Variants in SEMA3E observed in about 807,000 individuals in gnomAD.
SEMA3E encodes semaphorin-3E.
Under a neutral mutation model 93.6 loss-of-function variants are expected in SEMA3E, and 49 were observed. The observed-to-expected ratio is 0.52, with a 90% CI of 0.42 to 0.66. The LOEUF (loss-of-function observed/expected upper bound fraction) is 0.66, where lower values mean the gene tolerates loss of function less well. Ranked by LOEUF, SEMA3E falls within the 30% of genes least tolerant of loss-of-function variation. SEMA3E has a pLI of 0.00. For synonymous variants in SEMA3E, 363 were observed against 330.7 expected, an observed-to-expected ratio of 1.10 and a Z score of -1.06; for missense variants, 906 against 964.8, an observed-to-expected ratio of 0.94 and a Z score of 0.81.
chr7:83,492,673 A>G (rs541600168), intron 1 of SEMA3E, among the ~76,000 whole-genome samples: 12 of 152,030 alleles, frequency 7.9e-5, no homozygotes, highest in African/African-American at 2.4e-4. Flanking sequence ...CAACAAATGC[A>G]AATTTAGTGA....
intron 14 of SEMA3E, among the ~76,000 whole-genome samples, chr7:83,389,773 T>TATATATTACATGTATACATATATACACGC (rs1787960153): frequency 8.2e-6 from 1 of 122,644 alleles, no homozygotes; most frequent in Non-Finnish European, 1.7e-5. Context: ...TATATACACG[T>TATATATTACATGTATACATATATACACGC]ATATATTACA....
intron 1 of SEMA3E, among the ~76,000 whole-genome samples, chr7:83,622,132 C>T (rs1476627248): frequency 6.6e-6 from 1 of 151,254 alleles, no homozygotes; most frequent in Non-Finnish European, 1.5e-5. Context: ...GGAACTTAAA[C>T]AAATTTACAA....
intron 1 of SEMA3E, among the ~76,000 whole-genome samples, chr7:83,611,249 A>G (rs2115583016): frequency 6.9e-6 from 1 of 144,046 alleles, no homozygotes. Context: ...CTCCATATAT[A>G]TTTATATATA....
At chr7:83,579,076 A>G (rs1013752563) in intron 1 of SEMA3E, among the ~76,000 whole-genome samples, 3 of 152,108 alleles carry the variant, frequency 2.0e-5, no homozygotes, top group Non-Finnish European at 4.4e-5. Context: ...CAAAAGAGAG[A>G]ACATGTTATC....
intron 1 of SEMA3E, among the ~76,000 whole-genome samples, chr7:83,625,613 G>A (rs188703234): frequency 8.1e-4 from 124 of 152,210 alleles, no homozygotes; most frequent in African/African-American, 2.8e-3. Flanking sequence ...GAGCTGAGAC[G>A]ATGGGGTTTT....
intron 4 of SEMA3E, among the ~76,000 whole-genome samples, chr7:83,452,113 ATATGTG>A (rs1292109159): frequency 7.3e-6 from 1 of 137,396 alleles, no homozygotes; most frequent in African/African-American, 2.5e-5. Context: ...AATTATATCC[ATATGTG>A]TATGTGTATG....
At chr7:83,641,479 C>G in intron 1 of SEMA3E, 1 of 642,648 alleles carries the variant, frequency 1.6e-6, no homozygotes, top group Non-Finnish European at 1.9e-6. Flanking sequence ...TTCTATTGTG[C>G]GTTACAAAGC....
intron 1 of SEMA3E, among the ~76,000 whole-genome samples, chr7:83,559,844 A>T (rs575534624): frequency 1.3e-5 from 2 of 152,160 alleles, no homozygotes; most frequent in South Asian, 4.1e-4. Flanking sequence ...TGAGTGGATA[A>T]AATAACTATG....
At chr7:83,389,504 A>G (rs1025985314) in intron 14 of SEMA3E, among the ~76,000 whole-genome samples, 6 of 124,792 alleles carry the variant, frequency 4.8e-5, no homozygotes, top group African/African-American at 1.3e-4. Flanking sequence ...ATTTAAAAAG[A>G]AAGACATCAC....
At chr7:83,569,238 T>C (rs565086866) in intron 1 of SEMA3E, among the ~76,000 whole-genome samples, 2 of 151,634 alleles carry the variant, frequency 1.3e-5, no homozygotes, top group Non-Finnish European at 2.9e-5. Context: ...TTGAAGAGGA[T>C]ACAAACAAAT....
intron 1 of SEMA3E, among the ~76,000 whole-genome samples, chr7:83,642,063 G>A (rs1021004938): frequency 1.1e-4 from 16 of 152,274 alleles, no homozygotes; most frequent in Non-Finnish European, 7.4e-5. Flanking sequence ...AAATTCGAAT[G>A]TAAGAGTGTT....
intron 4 of SEMA3E, among the ~76,000 whole-genome samples, chr7:83,444,542 C>G (rs1016288053): frequency 1.3e-5 from 2 of 152,092 alleles, no homozygotes; most frequent in Non-Finnish European, 2.9e-5. Context: ...AGCCATCCAA[C>G]AGAGGGTAGA....
intron 16 of SEMA3E, among the ~76,000 whole-genome samples, chr7:83,370,006 CA>C (rs140816818): frequency 0.025 from 3,770 of 152,184 alleles, 156 homozygotes; most frequent in African/African-American, 0.086. Context: ...AGGTATGTGC[CA>C]TTATACTGTC....
chr7:83,458,092 T>C (rs1025656500), intron 4 of SEMA3E, among the ~76,000 whole-genome samples: 16 of 151,504 alleles, frequency 1.1e-4, no homozygotes, highest in Non-Finnish European at 1.5e-5. Context: ...TAGATAATTA[T>C]GTGGGATATT....
At chr7:83,469,398 C>CTTTTTTTT (rs10650403) in intron 2 of SEMA3E, 96 bp from the exon 3 acceptor site, 18 of 599,868 alleles carry the variant, frequency 3.0e-5, no homozygotes, top group Non-Finnish European at 3.4e-5. Context: ...AAAACATTTC[C>CTTTTTTTT]TTTTTTTTTT....
At position 83,456,607 on chromosome 7, in the gene SEMA3E, T is replaced by TTTAC. The variant is rs1333468250; in HGVS notation, c.456+9874_456+9875insGTAA. Among the ~76,000 whole-genome samples, 7 of 7,308 alleles carry TTTAC rather than the reference T, an allele frequency of 9.6e-4. No individual in the cohort carries two copies. In the Non-Finnish European group the frequency reaches 0.062, roughly 65 times the overall value. 4.8% of individuals were successfully genotyped at this position (7,308 alleles called of 152,430 possible). On this transcript the variant is annotated intron_variant, in intron 4 of 16. Coordinates refer to ENST00000643230, the MANE Select transcript of SEMA3E (RefSeq NM_012431.3). The stretch of plus-strand genomic sequence containing the variant: ...TTAACGACTCTATTTTATTTATTTA[T>TTTAC]TTATTTATTTATTTATTATTTTTGA...
intron 1 of SEMA3E, among the ~76,000 whole-genome samples, chr7:83,572,153 G>T (rs1394856635): frequency 6.6e-6 from 1 of 152,020 alleles, no homozygotes; most frequent in Non-Finnish European, 1.5e-5. Context: ...ACTGCCCAAA[G>T]CAATTTACAG....
At chr7:83,622,932 A>C (rs1252771512) in intron 1 of SEMA3E, among the ~76,000 whole-genome samples, 2 of 152,130 alleles carry the variant, frequency 1.3e-5, no homozygotes, top group East Asian at 3.9e-4. Context: ...ACTATGGCAC[A>C]CATTTACCAC....
intron 2 of SEMA3E, among the ~76,000 whole-genome samples, chr7:83,471,580 G>T (rs1789895250): frequency 6.6e-6 from 1 of 151,968 alleles, no homozygotes; most frequent in Admixed American, 6.6e-5. Context: ...CTGACCTCAT[G>T]TACAAAACTC....
Sources: allele counts gnomAD v4.1 joint callset (sites outside exome capture counted in the v4.1 genomes callset), GRCh38; gene constraint gnomAD v4.1.1; transcripts MANE v1.5; gene names NCBI Gene and HGNC (gene_info 2026-07-23, HGNC 2026-07-21).